MTRFR: variants seen among roughly 807,000 people sequenced by gnomAD.
MTRFR encodes the protein probable peptide chain release factor C12orf65, mitochondrial.
In MTRFR, 10 loss-of-function variants were observed where a neutral mutation model predicts 11.9. That is an observed-to-expected ratio of 0.84 (90% CI 0.52 to 1.42). The LOEUF is 1.42. Ranked by LOEUF, MTRFR falls within the 40% of genes most tolerant of loss-of-function variation. The probability of loss-of-function intolerance (pLI) is 0.00; values close to 1 mark genes in which losing one functional copy is unlikely to be tolerated. For synonymous variants in MTRFR, 77 were observed against 79.1 expected, an observed-to-expected ratio of 0.97 and a Z score of 0.14; for missense variants, 196 against 197.9, an observed-to-expected ratio of 0.99 and a Z score of 0.06.
chr12:123,246,365 A>G (rs1188382900), intron 1 of MTRFR, among the ~76,000 whole-genome samples: 3 of 152,086 alleles, frequency 2.0e-5, no homozygotes, highest in African/African-American at 7.2e-5. Context: ...TTTAATTTCC[A>G]TCTTGATTTT....
chr12:123,253,258 T>TTGAA, intron 1 of MTRFR: 1 of 264,756 alleles, frequency 3.8e-6, no homozygotes, highest in South Asian at 4.0e-5. Flanking sequence ...CAGGCTGGTC[T>TTGAA]TGAACTCCTG....
At chr12:123,253,069 A>ACTTTT (rs1565997436) in intron 1 of MTRFR, among the ~76,000 whole-genome samples, 1 of 42,818 alleles carries the variant, frequency 2.3e-5, no homozygotes. Context: ...CGTTCCTTTG[A>ACTTTT]ATTTTTTTTT....
chr12:123,243,529 CAAAA>C (rs55817401), intron 1 of MTRFR, among the ~76,000 whole-genome samples: 5 of 117,788 alleles, frequency 4.2e-5, no homozygotes, highest in Admixed American at 1.7e-4. Flanking sequence ...GACTCCGTCT[CAAAA>C]AAAAAAAAAA....
intron 1 of MTRFR, among the ~76,000 whole-genome samples, chr12:123,237,417 A>C (rs776427689): frequency 9.8e-5 from 15 of 152,318 alleles, no homozygotes; most frequent in Non-Finnish European, 2.1e-4. Flanking sequence ...GTGACAAGCG[A>C]AACTCCGGCT....
chr12:123,237,452 G>A (rs1324412005), intron 1 of MTRFR, among the ~76,000 whole-genome samples: 1 of 152,112 alleles, frequency 6.6e-6, no homozygotes, highest in Non-Finnish European at 1.5e-5. Flanking sequence ...AAATGAACGA[G>A]ATGTTGGGAT....
At chr12:123,248,469 C>T (rs769296744) in intron 1 of MTRFR, 6 of 156,534 alleles carry the variant, frequency 3.8e-5, no homozygotes, top group Non-Finnish European at 8.4e-5. Context: ...AATGAAGCCA[C>T]GGACCCTCAT....
At chr12:123,251,903 A>G (rs1353331153) in intron 1 of MTRFR, 1 of 152,452 alleles carries the variant, frequency 6.6e-6, no homozygotes, top group Non-Finnish European at 1.5e-5. Context: ...AAGGTCCCAA[A>G]ATAGGCTGTC....
chr12:123,242,278 G>A (rs533985910), intron 1 of MTRFR, among the ~76,000 whole-genome samples: 2 of 152,290 alleles, frequency 1.3e-5, no homozygotes, highest in South Asian at 4.1e-4. Context: ...TAGAGCGCCA[G>A]CCCTACGCCG....
At chr12:123,237,024 G>A (rs1314926142) in intron 1 of MTRFR, among the ~76,000 whole-genome samples, 1 of 152,148 alleles carries the variant, frequency 6.6e-6, no homozygotes. Context: ...GGCGGAGGTT[G>A]CAGTGAGCTG....
chr12:123,234,263 G>A (rs538746838), intron 1 of MTRFR, among the ~76,000 whole-genome samples: 1 of 152,178 alleles, frequency 6.6e-6, no homozygotes, highest in African/African-American at 2.4e-5. Context: ...GACTTCCCTG[G>A]CACTATCACT....
Position 123,257,657 on chromosome 12 carries a change from T to G in MTRFR, c.*626T>G, listed in dbSNP as rs1025433824. On this transcript the variant is annotated 3_prime_UTR_variant, in exon 3 of 3. Coordinates refer to ENST00000253233, the MANE Select transcript of MTRFR (RefSeq NM_152269.5). Reference sequence around the variant, plus strand: ...CAGTGAGCTATGAACACCACTGCACTCCACCTGTCCACTTGTTCTTGTGTG... The same window carrying G: ...CAGTGAGCTATGAACACCACTGCACGCCACCTGTCCACTTGTTCTTGTGTG... The G allele has an allele frequency of 6.5e-6, 1 of 153,000 alleles. No individual in the cohort carries two copies. Among genetic ancestry groups the G allele is most frequent in the Non-Finnish European group, 1.5e-5 (1 of 68,686 alleles). 9.5% of individuals were successfully genotyped at this position (153,000 alleles called of 1,614,324 possible).
At chr12:123,249,820 A>T (rs1298370371) in intron 1 of MTRFR, 1 of 152,238 alleles carries the variant, frequency 6.6e-6, no homozygotes, top group African/African-American at 2.4e-5. Flanking sequence ...GCACATTGTC[A>T]CCTCTCATTT....
Position 123,253,799 on chromosome 12 carries a change from A to G in MTRFR, c.125A>G (p.Gln42Arg). Residue 42 changes from glutamine (Q) to arginine (R), a missense_variant, in exon 2 of 3, where the codon CAG becomes CGG. Physicochemically the swap from Gln to Arg is conservative, Grantham distance 43. Coordinates refer to ENST00000253233, the MANE Select transcript of MTRFR (RefSeq NM_152269.5). ...CCAGGAATAGCTGTCACTCCGGTCC[A>G]GATGGCAGGCAAGAAGGACTACCCT... Reference protein sequence around the residue: ...LSPGIAVTPVQMAGKKDYPAL... With the variant: ...LSPGIAVTPVRMAGKKDYPAL... 6.2e-7 allele frequency: 1 copy of G among 1,614,210 alleles called. No homozygotes were observed. The highest frequency in any genetic ancestry group is 8.5e-7 in the Non-Finnish European group (1 of 1,180,036).
At position 123,253,772 on chromosome 12, in the gene MTRFR, C is replaced by T; in HGVS notation, c.98C>T (p.Ser33Phe). The stretch of plus-strand genomic sequence containing the variant: ...CTTTGGGAGAAGCTGACGTTGTTAT[C>T]CCCAGGAATAGCTGTCACTCCGGTC... ...LRLWEKLTLL[S>F]PGIAVTPVQM... The change falls in exon 2 of 3, where the codon TCC becomes TTC. Residue 33 changes from serine to phenylalanine, a missense_variant. By Grantham distance (155) the Ser-to-Phe change is radical (BLOSUM62 -2). Coordinates refer to ENST00000253233, the MANE Select transcript of MTRFR (RefSeq NM_152269.5). 6.2e-7 allele frequency: 1 copy of T among 1,614,164 alleles called. No individual in the cohort carries two copies. The highest frequency in any genetic ancestry group is 8.5e-7 in the Non-Finnish European group (1 of 1,180,034).
intron 1 of MTRFR, chr12:123,249,533 C>T: frequency 6.5e-6 from 1 of 153,470 alleles, no homozygotes; most frequent in South Asian, 2.0e-4. Flanking sequence ...GCTGGGGGAC[C>T]CGGCACACCC....
chr12:123,242,211 C>T (rs1363694986), intron 1 of MTRFR, among the ~76,000 whole-genome samples: 1 of 152,148 alleles, frequency 6.6e-6, no homozygotes, highest in Non-Finnish European at 1.5e-5. Flanking sequence ...TAACTGCGAT[C>T]AGCCATTTAG....
At chr12:123,242,273 C>T (rs1027544161) in intron 1 of MTRFR, among the ~76,000 whole-genome samples, 1 of 152,144 alleles carries the variant, frequency 6.6e-6, no homozygotes, top group African/African-American at 2.4e-5. Flanking sequence ...CAGGGTAGAG[C>T]GCCAGCCCTA....
intron 1 of MTRFR, among the ~76,000 whole-genome samples, chr12:123,252,872 C>T (rs1317569970): frequency 1.3e-5 from 2 of 152,004 alleles, no homozygotes; most frequent in Non-Finnish European, 2.9e-5. Flanking sequence ...TTGCAGTGAG[C>T]CAAGATCGCG....
At chr12:123,254,976 A>T (rs2048167610) in intron 2 of MTRFR, 1 of 152,090 alleles carries the variant, frequency 6.6e-6, no homozygotes. Context: ...CTCCCAGTCC[A>T]TCTGCCTCAG....
Sources: gnomAD v4.1 joint callset for allele counts (sites outside exome capture counted in the v4.1 genomes callset) on GRCh38, gnomAD v4.1.1 for gene constraint, MANE v1.5 for transcripts, NCBI Gene and HGNC (gene_info 2026-07-23, HGNC 2026-07-21) for gene names.